Variants in ASPRV1 observed in about 807,000 individuals in gnomAD.
ASPRV1 encodes retroviral-like aspartic protease 1.
ASPRV1 carries 7 observed loss-of-function variants against 11.0 expected under a neutral mutation model. The observed-to-expected ratio is 0.64, with a 90% CI of 0.36 to 1.20. The LOEUF is 1.20. Ranked by LOEUF, ASPRV1 falls within the 50% of genes most tolerant of loss-of-function variation. ASPRV1 has a pLI of 0.02. For synonymous variants in ASPRV1, 136 were observed against 138.4 expected, an observed-to-expected ratio of 0.98 and a Z score of 0.12; for missense variants, 299 against 320.0, an observed-to-expected ratio of 0.93 and a Z score of 0.50.
At chr2:70,000,318 CA>C in the ASPRV1 span, among the ~76,000 whole-genome samples, 7,454 of 76,978 alleles carry the variant, frequency 0.097, 484 homozygotes, top group Admixed American at 0.25. Flanking sequence ...CCCTCATCTC[CA>C]AAAAAAAAAA....
At chr2:70,058,675 C>T in the ASPRV1 span, among the ~76,000 whole-genome samples, 3 of 151,536 alleles carry the variant, frequency 2.0e-5, no homozygotes, top group African/African-American at 7.3e-5. Context: ...GCCTCAGCCT[C>T]CTGAGTAGCT....
At chr2:70,025,522 T>A in the ASPRV1 span, among the ~76,000 whole-genome samples, 20 of 152,318 alleles carry the variant, frequency 1.3e-4, no homozygotes, top group African/African-American at 4.6e-4. Context: ...TCCTTATGGT[T>A]CTATCCATGG....
At chr2:69,953,555 C>T in the ASPRV1 span, among the ~76,000 whole-genome samples, 1 of 152,142 alleles carries the variant, frequency 6.6e-6, no homozygotes, top group Non-Finnish European at 1.5e-5. Context: ...CCTGCAGGGT[C>T]CTCTTTCTCC....
At chr2:69,968,219 T>C in the ASPRV1 span, among the ~76,000 whole-genome samples, 1 of 152,192 alleles carries the variant, frequency 6.6e-6, no homozygotes, top group Admixed American at 6.5e-5. Flanking sequence ...AATTTTAAGT[T>C]TTTTAAAAGG....
the ASPRV1 span, among the ~76,000 whole-genome samples, chr2:69,944,031 T>G: frequency 7.9e-5 from 12 of 152,318 alleles, no homozygotes; most frequent in South Asian, 2.5e-3. Flanking sequence ...CCTTGTCTGC[T>G]TTCTCCAAAG....
At chr2:70,020,359 A>G in the ASPRV1 span, among the ~76,000 whole-genome samples, 1 of 152,236 alleles carries the variant, frequency 6.6e-6, no homozygotes, top group Non-Finnish European at 1.5e-5. Context: ...ATCAGTGATG[A>G]ATGGATGGAC....
chr2:70,048,405 ACT>A, the ASPRV1 span, among the ~76,000 whole-genome samples: 1 of 151,580 alleles, frequency 6.6e-6, no homozygotes, highest in Non-Finnish European at 1.5e-5. Flanking sequence ...ACAGTGCAAA[ACT>A]CTGTCTTAAA....
upstream of ASPRV1, chr2:69,963,428 T>C (rs1206623701): frequency 4.4e-6 from 2 of 456,586 alleles, no homozygotes; most frequent in Non-Finnish European, 8.8e-6. Context: ...ATGAGTGTTG[T>C]TCTGTGGCTC....
chr2:70,021,118 G>A, the ASPRV1 span, among the ~76,000 whole-genome samples: 3 of 152,096 alleles, frequency 2.0e-5, no homozygotes, highest in Non-Finnish European at 4.4e-5. Flanking sequence ...TCTTATGTAT[G>A]TGGAATATGC....
the ASPRV1 span, among the ~76,000 whole-genome samples, chr2:70,063,098 G>A: frequency 1.1e-4 from 17 of 152,184 alleles, no homozygotes; most frequent in East Asian, 5.8e-4. Context: ...AGAACACACC[G>A]TTCCTCAGTA....
the ASPRV1 span, among the ~76,000 whole-genome samples, chr2:69,967,622 T>C: frequency 6.6e-6 from 1 of 152,158 alleles, no homozygotes; most frequent in Admixed American, 6.5e-5. Context: ...GAAAAAAGAC[T>C]AGGAAGAAAG....
chr2:69,956,478 A>G (rs892241404), downstream of ASPRV1, among the ~76,000 whole-genome samples: 19 of 124,434 alleles, frequency 1.5e-4, no homozygotes, highest in Non-Finnish European at 2.7e-4. Flanking sequence ...AAGAAGAAGA[A>G]AAGAGGAAGA....
the ASPRV1 span, among the ~76,000 whole-genome samples, chr2:70,024,172 C>A: frequency 1.3e-4 from 20 of 149,696 alleles, no homozygotes; most frequent in Non-Finnish European, 2.5e-4. Context: ...TATAGTAAGA[C>A]TATGAAAAAT....
At chr2:70,010,236 G>A in the ASPRV1 span, among the ~76,000 whole-genome samples, 11 of 152,086 alleles carry the variant, frequency 7.2e-5, no homozygotes, top group African/African-American at 2.7e-4. Context: ...ATACACAAGT[G>A]GAAAAGCTCT....
chr2:70,010,144 G>A, the ASPRV1 span, among the ~76,000 whole-genome samples: 1 of 152,140 alleles, frequency 6.6e-6, no homozygotes, highest in African/African-American at 2.4e-5. Context: ...ACACCCTGGG[G>A]ATGCCCAAAA....
chr2:69,977,214 A>G, the ASPRV1 span, among the ~76,000 whole-genome samples: 1 of 152,140 alleles, frequency 6.6e-6, no homozygotes, highest in African/African-American at 2.4e-5. Flanking sequence ...TTGGGCAAAA[A>G]TGTAGAAATT....
the ASPRV1 span, among the ~76,000 whole-genome samples, chr2:70,038,782 T>C: frequency 6.6e-6 from 1 of 152,058 alleles, no homozygotes; most frequent in South Asian, 2.1e-4. Context: ...GATAAGATTA[T>C]AAAAGACCAA....
the ASPRV1 span, among the ~76,000 whole-genome samples, chr2:70,048,427 A>G: frequency 2.6e-5 from 4 of 151,960 alleles, no homozygotes; most frequent in East Asian, 1.9e-4. Flanking sequence ...AAGAAAAAAA[A>G]AAAAGAAAAA....
the ASPRV1 span, among the ~76,000 whole-genome samples, chr2:70,004,544 A>G: frequency 6.6e-6 from 1 of 151,804 alleles, no homozygotes. Flanking sequence ...AAAAAAAAAA[A>G]AAAAAAAGAA....
Sources: gnomAD v4.1 joint callset for allele counts (sites outside exome capture counted in the v4.1 genomes callset) on GRCh38, gnomAD v4.1.1 for gene constraint, MANE v1.5 for transcripts, NCBI Gene and HGNC (gene_info 2026-07-23, HGNC 2026-07-21) for gene names.